Variants in ETFA observed in about 807,000 individuals in gnomAD.
ETFA encodes electron transfer flavoprotein subunit alpha, mitochondrial.
In ETFA, 22 loss-of-function variants were observed where a neutral mutation model predicts 46.2. That is an observed-to-expected ratio of 0.48 (90% CI 0.34 to 0.68). ETFA has a LOEUF of 0.68. Ranked by LOEUF, ETFA falls within the 30% of genes least tolerant of loss-of-function variation. The pLI is 0.01. For missense variants in ETFA, 345 were observed against 401.1 expected (o/e 0.86, Z 1.19); for synonymous variants, 131 against 139.9 (o/e 0.94, Z 0.45).
At chr15:76,263,436 G>A (rs1250881411) in intron 9 of ETFA, among the ~76,000 whole-genome samples, 1 of 152,240 alleles carries the variant, frequency 6.6e-6, no homozygotes, top group Admixed American at 6.5e-5. Flanking sequence ...AAGAAGCTCG[G>A]TGAGGAAGCT....
At chr15:76,261,668 C>A in intron 9 of ETFA, 1 of 371,004 alleles carries the variant, frequency 2.7e-6, no homozygotes, top group Non-Finnish European at 4.9e-6. Flanking sequence ...CCCCAGCCGC[C>A]CCATGCTGTG....
intron 1 of ETFA, among the ~76,000 whole-genome samples, chr15:76,304,082 T>C (rs1567221970): frequency 6.6e-6 from 1 of 152,206 alleles, no homozygotes; most frequent in Non-Finnish European, 1.5e-5. Context: ...ATGTGGTATA[T>C]ATACACCATG....
chr15:76,249,123 A>G (rs2039270711), intron 9 of ETFA, among the ~76,000 whole-genome samples: 1 of 135,890 alleles, frequency 7.4e-6, no homozygotes, highest in Admixed American at 8.2e-5. Context: ...AAAATTTACC[A>G]TAGTAATTTT....
At chr15:76,259,115 TCAA>T in intron 9 of ETFA, 1 of 1,524,518 alleles carries the variant, frequency 6.6e-7, no homozygotes, top group South Asian at 1.1e-5. Context: ...TGAGGATGTA[TCAA>T]CATTCACTGG....
At chr15:76,234,107 A>T (rs1284019320) in intron 9 of ETFA, among the ~76,000 whole-genome samples, 1 of 152,182 alleles carries the variant, frequency 6.6e-6, no homozygotes, top group African/African-American at 2.4e-5. Context: ...TACCTTTCTG[A>T]TCACAATAAA....
chr15:76,295,786 GT>G lies in ETFA; in HGVS notation c.40-50del, dbSNP rs59517673. 164,567 of 1,062,072 alleles carry G rather than the reference GT, an allele frequency of 0.15. 10 individuals carry two copies. Among genetic ancestry groups the G allele is most frequent in the East Asian group, 0.21 (7,041 of 33,730 alleles). The allele number at this position is 1,062,072 out of a possible 1,614,324, so 65.8% of individuals were successfully genotyped here. A position where few individuals can be genotyped will look rare whatever the true frequency, so the allele number is the denominator to read the frequency against. On this transcript the variant is annotated intron_variant, in intron 1 of 11. Transcript: ENST00000557943. ...AAAAGGTAAAGAATGTTGTCACAGG[GT>G]TTTTTTTTTTTTTTTTACTAATTGT...
chr15:76,281,842 A>C (rs2039655585), intron 8 of ETFA, among the ~76,000 whole-genome samples: 1 of 148,186 alleles, frequency 6.7e-6, no homozygotes, highest in South Asian at 2.2e-4. Context: ...AAGGATCTTG[A>C]GAGGGAGTTT....
intron 9 of ETFA, among the ~76,000 whole-genome samples, chr15:76,264,968 G>A (rs2039455167): frequency 6.6e-6 from 1 of 152,216 alleles, no homozygotes; most frequent in Admixed American, 6.5e-5. Context: ...ATTTAGCAAA[G>A]ATGGACAACC....
chr15:76,228,310 G>A (rs2039026220), intron 10 of ETFA: 1 of 290,604 alleles, frequency 3.4e-6, no homozygotes. Flanking sequence ...TCAGCCTCCT[G>A]AGTAGCTGGG....
At chr15:76,221,750 T>C (rs1357074687) in intron 11 of ETFA, among the ~76,000 whole-genome samples, 1 of 152,190 alleles carries the variant, frequency 6.6e-6, no homozygotes, top group Non-Finnish European at 1.5e-5. Context: ...TTAGCCAAGA[T>C]AATTTAACTA....
intron 9 of ETFA, chr15:76,259,945 A>T: frequency 3.7e-6 from 5 of 1,368,912 alleles, no homozygotes; most frequent in Non-Finnish European, 5.2e-6. Flanking sequence ...AGAGGCTCAG[A>T]GGCTTACCCC....
At chr15:76,310,928 C>A (rs1183854840) in intron 1 of ETFA, among the ~76,000 whole-genome samples, 4 of 151,022 alleles carry the variant, frequency 2.6e-5, no homozygotes, top group Non-Finnish European at 4.4e-5. Flanking sequence ...CCAGAAATGC[C>A]GGCCTCCGGG....
intron 5 of ETFA, 136 bp from the exon 6 acceptor site, chr15:76,286,617 T>TAGA (rs1567215986): frequency 2.9e-6 from 2 of 685,256 alleles, no homozygotes; most frequent in African/African-American, 3.6e-5. Context: ...CTATTAAGTA[T>TAGA]AGGAAAAAAT....
intron 11 of ETFA, among the ~76,000 whole-genome samples, chr15:76,218,232 C>G (rs938429751): frequency 1.3e-5 from 2 of 152,178 alleles, no homozygotes; most frequent in Admixed American, 6.5e-5. Flanking sequence ...AGGATTTTCT[C>G]TATCATCTGT....
chr15:76,265,105 C>T (rs2039457040), intron 9 of ETFA, among the ~76,000 whole-genome samples: 1 of 152,226 alleles, frequency 6.6e-6, no homozygotes, highest in Non-Finnish European at 1.5e-5. Context: ...CTGCCATAGA[C>T]CTCTGCAGCA....
intron 8 of ETFA, among the ~76,000 whole-genome samples, chr15:76,280,857 T>C (rs1035512264): frequency 6.6e-6 from 1 of 151,452 alleles, no homozygotes; most frequent in African/African-American, 2.4e-5. Context: ...TCTGGAACAC[T>C]CTCCCTCAGA....
intron 8 of ETFA, among the ~76,000 whole-genome samples, chr15:76,277,950 CCA>C (rs1223950635): frequency 6.6e-6 from 1 of 152,184 alleles, no homozygotes; most frequent in Admixed American, 6.5e-5. Flanking sequence ...GTTGGTCTCT[CCA>C]GTTTGGGGGA....
rs550297079 is a variant in ETFA, at chr15:76,266,026, CA to C, written c.816+8385del. 6.6e-5 allele frequency among the ~76,000 whole-genome samples: 10 copies of C among 152,230 alleles called. No homozygotes were observed. The South Asian group carries it at 2.1e-3, about 32-fold the overall frequency. ...AAAATAACTGGTGCAGGAACAATTG[CA>C]AAAGGGACATACAGAGCCTACTTTC... is the stretch of plus-strand genomic sequence containing the variant. On this transcript the variant is annotated intron_variant, in intron 9 of 11. Coordinates refer to ENST00000557943, the MANE Select transcript of ETFA (RefSeq NM_000126.4).
chr15:76,288,761 CCTGTGTAGTA>C (rs1305399482), intron 4 of ETFA, among the ~76,000 whole-genome samples: 1 of 150,870 alleles, frequency 6.6e-6, no homozygotes, highest in Non-Finnish European at 1.5e-5. Context: ...TGAAGAACAG[CCTGTGTAGTA>C]CATATTTAAA....
Sources: gnomAD v4.1 joint callset for allele counts (sites outside exome capture counted in the v4.1 genomes callset) on GRCh38, gnomAD v4.1.1 for gene constraint, MANE v1.5 for transcripts, NCBI Gene and HGNC (gene_info 2026-07-23, HGNC 2026-07-21) for gene names.